PLD1: variants seen among roughly 807,000 people sequenced by gnomAD.
The protein encoded by PLD1 is phospholipase D1.
Under a neutral mutation model 137.1 loss-of-function variants are expected in PLD1, and 112 were observed. The observed-to-expected ratio is 0.82, with a 90% confidence interval of 0.70 to 0.96. The LOEUF is 0.96. PLD1 is among the 40% of genes least tolerant of loss of function. The probability of loss-of-function intolerance (pLI) is 0.00; values close to 1 mark genes in which losing one functional copy is unlikely to be tolerated. For synonymous variants in PLD1, 431 were observed against 454.7 expected (o/e 0.95, Z 0.66); for missense variants, 1,321 against 1,342.0 (o/e 0.98, Z 0.24).
At chr3:171,684,618 G>A (rs1017025227) in intron 16 of PLD1, among the ~76,000 whole-genome samples, 2 of 152,072 alleles carry the variant, frequency 1.3e-5, no homozygotes, top group African/African-American at 2.4e-5. Context: ...GTGTGTGAGA[G>A]AGGGTCTCCC....
At chr3:171,701,181 TA>T (rs1280631174) in intron 11 of PLD1, among the ~76,000 whole-genome samples, 1 of 152,030 alleles carries the variant, frequency 6.6e-6, no homozygotes, top group Non-Finnish European at 1.5e-5. Flanking sequence ...TTGGGTAAAA[TA>T]AATAAGGAAA....
chr3:171,741,061 C>T (rs553240285), intron 1 of PLD1, among the ~76,000 whole-genome samples: 4 of 152,210 alleles, frequency 2.6e-5, no homozygotes, highest in Non-Finnish European at 4.4e-5. Flanking sequence ...ATGTCCTCTA[C>T]TTTAGTCACC....
chr3:171,659,666 T>C (rs1737507477), intron 20 of PLD1, among the ~76,000 whole-genome samples: 1 of 152,250 alleles, frequency 6.6e-6, no homozygotes, highest in African/African-American at 2.4e-5. Context: ...TAAATGCTTA[T>C]GATTAAAAAT....
chr3:171,746,211 C>T (rs1720163138), intron 1 of PLD1, among the ~76,000 whole-genome samples: 1 of 152,350 alleles, frequency 6.6e-6, no homozygotes, highest in Non-Finnish European at 1.5e-5. Context: ...GGCACCACCC[C>T]CTGCTCCACA....
At position 171,605,383 on chromosome 3, in the gene PLD1, C is replaced by T. The variant is rs2108252207; in HGVS notation, c.2916G>A (p.Glu972=). The change falls in exon 26 of 27, where the codon GAG becomes GAA. Residue 972 remains glutamate, a synonymous_variant. Coordinates refer to ENST00000351298, the MANE Select transcript of PLD1 (RefSeq NM_002662.5). ...VVLGYLDDPS[E]DIQDPVSDKF... ...TGTCACTCACTGGATCCTGAATGTC[C>T]TCACTTGGGTCATCAAGATAGCCAA... The T allele has an allele frequency of 1.2e-6, 2 of 1,613,654 alleles. No individual in the cohort carries two copies. The highest frequency in any genetic ancestry group is 1.7e-6 in the Non-Finnish European group (2 of 1,179,582).
chr3:171,720,305 A>AAAG (rs927719080), intron 8 of PLD1, among the ~76,000 whole-genome samples: 1 of 150,926 alleles, frequency 6.6e-6, no homozygotes, highest in African/African-American at 2.4e-5. Context: ...AAAAAAAAAA[A>AAAG]AAAAAAAAGG....
intron 13 of PLD1, among the ~76,000 whole-genome samples, chr3:171,690,368 A>G (rs1479474577): frequency 6.6e-6 from 1 of 151,900 alleles, no homozygotes; most frequent in Non-Finnish European, 1.5e-5. Context: ...CCACTGCTCC[A>G]ATCTTTATTT....
intron 11 of PLD1, among the ~76,000 whole-genome samples, chr3:171,701,358 G>A (rs1049813920): frequency 6.6e-6 from 1 of 152,202 alleles, no homozygotes; most frequent in East Asian, 1.9e-4. Context: ...TTTTAAAATA[G>A]TAAAATGCAT....
At chr3:171,645,883 C>CAAAAAA (rs1162718346) in intron 21 of PLD1, among the ~76,000 whole-genome samples, 20 of 59,176 alleles carry the variant, frequency 3.4e-4, no homozygotes, top group South Asian at 6.0e-4. Context: ...GACTCCATCT[C>CAAAAAA]AAAAAAAAAA....
At chr3:171,686,596 T>C in intron 16 of PLD1, 89 bp downstream of exon 16, 3 of 710,500 alleles carry the variant, frequency 4.2e-6, no homozygotes, top group South Asian at 1.9e-5. Context: ...AGAAAGCCAA[T>C]CTGGAAACAC....
intron 23 of PLD1, among the ~76,000 whole-genome samples, chr3:171,620,841 T>C (rs1455892202): frequency 1.3e-5 from 2 of 150,828 alleles, no homozygotes; most frequent in African/African-American, 2.4e-5. Flanking sequence ...AAGCTATTCA[T>C]ATATGAACAT....
intron 1 of PLD1, among the ~76,000 whole-genome samples, chr3:171,794,122 C>T (rs900026945): frequency 7.1e-6 from 1 of 141,290 alleles, no homozygotes; most frequent in African/African-American, 2.6e-5. Context: ...CCAGCCTACA[C>T]GAGGGGAGCA....
intron 13 of PLD1, among the ~76,000 whole-genome samples, chr3:171,691,195 T>C (rs985127179): frequency 2.6e-5 from 4 of 152,214 alleles, no homozygotes; most frequent in African/African-American, 4.8e-5. Flanking sequence ...CCTATTTGTG[T>C]CTTTGCAGCT....
chr3:171,664,870 T>A (rs932833928), intron 19 of PLD1, among the ~76,000 whole-genome samples: 1 of 151,952 alleles, frequency 6.6e-6, no homozygotes, highest in Non-Finnish European at 1.5e-5. Context: ...CCTCTCCCCA[T>A]CCCCTAAAGC....
At position 171,687,400 on chromosome 3, in the gene PLD1, T is replaced by A. The variant is rs1025556870; in HGVS notation, c.1724A>T (p.Asp575Val). The A allele has an allele frequency of 8.1e-6, 13 of 1,614,190 alleles. No homozygotes were observed. Among genetic ancestry groups the A allele is most frequent in the Non-Finnish European group, 1.1e-5 (13 of 1,180,010 alleles). Residue 575 changes from aspartate to valine, a missense_variant, in exon 15 of 27, where the codon GAT (aspartate) becomes GTT (valine). Transcript: ENST00000351298. ...QLHRHHLHDA[D>V]SISSIDSTSS... ...GGTGCTGTCAATGCTGCTGATGCTATCTGCGTCGTGCAGGTGGTGCCTGTG... is the reference window on the plus strand; with the variant it reads ...GGTGCTGTCAATGCTGCTGATGCTAACTGCGTCGTGCAGGTGGTGCCTGTG...
At chr3:171,720,146 T>C (rs144582752) in intron 8 of PLD1, among the ~76,000 whole-genome samples, 156 of 151,580 alleles carry the variant, frequency 1.0e-3, no homozygotes, top group African/African-American at 3.5e-3. Context: ...AATACAAAAT[T>C]TATCCAGGTG....
intron 1 of PLD1, among the ~76,000 whole-genome samples, chr3:171,799,668 A>G (rs1463249417): frequency 6.6e-6 from 1 of 152,192 alleles, no homozygotes; most frequent in Non-Finnish European, 1.5e-5. Flanking sequence ...TAACTTTACA[A>G]TGGAAAACAT....
chr3:171,603,044 G>C lies in PLD1; in HGVS notation c.*34C>G. On this transcript the variant is annotated 3_prime_UTR_variant, in exon 27 of 27. Coordinates refer to ENST00000351298, the MANE Select transcript of PLD1 (RefSeq NM_002662.5). ...GTCACTGTGTGCAGTGTGGTCTCCA[G>C]GGTGGAAGTCTTTGAGCTGCCAATG... is the stretch of plus-strand genomic sequence containing the variant. 1.3e-6 allele frequency: 2 copies of C among 1,482,574 alleles called. No homozygotes were observed. Among genetic ancestry groups the C allele is most frequent in the Non-Finnish European group, 1.9e-6 (2 of 1,064,600 alleles). The allele number at this position is 1,482,574 out of a possible 1,614,324, so 91.8% of individuals were successfully genotyped here. A position where few individuals can be genotyped will look rare whatever the true frequency, so the allele number is the denominator to read the frequency against.
chr3:171,611,992 G>A (rs1249285385), intron 25 of PLD1, among the ~76,000 whole-genome samples: 1 of 152,152 alleles, frequency 6.6e-6, no homozygotes. Flanking sequence ...TGAGCCAGGA[G>A]GATTGCTTGA....
Sources: allele counts gnomAD v4.1 joint callset (sites outside exome capture counted in the v4.1 genomes callset), GRCh38; gene constraint gnomAD v4.1.1; transcripts MANE v1.5; gene names NCBI Gene and HGNC (gene_info 2026-07-23, HGNC 2026-07-21).